Variants in RPGRIP1 observed in about 807,000 individuals in gnomAD.
RPGRIP1 encodes the protein X-linked retinitis pigmentosa GTPase regulator-interacting protein 1.
RPGRIP1 carries 128 observed loss-of-function variants against 157.9 expected under a neutral mutation model. That is an observed-to-expected ratio of 0.81 (90% confidence interval 0.70 to 0.94). The LOEUF (loss-of-function observed/expected upper bound fraction) is 0.94, where lower values mean the gene tolerates loss of function less well. RPGRIP1 is among the 40% of genes least tolerant of loss of function. The pLI is 0.00. For synonymous variants in RPGRIP1, 554 were observed against 571.6 expected, an observed-to-expected ratio of 0.97 and a Z score of 0.44; for missense variants, 1,486 against 1,545.8, an observed-to-expected ratio of 0.96 and a Z score of 0.65.
intron 6 of RPGRIP1, 81 bp downstream of exon 6, chr14:21,303,624 T>C (rs1316611633): frequency 9.5e-7 from 1 of 1,056,174 alleles, no homozygotes; most frequent in African/African-American, 1.6e-5. Flanking sequence ...TTCCTCCATC[T>C]CAGAGGAAAA....
chr14:21,317,958 C>A (rs2139189161), intron 11 of RPGRIP1, 108 bp downstream of exon 11: 1 of 952,946 alleles, frequency 1.0e-6, no homozygotes. Context: ...TGATCCTATT[C>A]TTTTGTGGGT....
intron 3 of RPGRIP1, among the ~76,000 whole-genome samples, chr14:21,296,543 G>A (rs919244025): frequency 6.0e-5 from 9 of 150,938 alleles, no homozygotes; most frequent in Non-Finnish European, 1.0e-4. Flanking sequence ...TAGAGATGGG[G>A]TTTCACCATG....
Position 21,325,240 on chromosome 14 carries a change from G to A in RPGRIP1, c.2224G>A (p.Gly742Arg), listed in dbSNP as rs1214200780. The change falls in exon 16 of 25, where the codon GGA becomes AGA. Residue 742 changes from glycine (G) to arginine (R), a missense_variant. Transcript: ENST00000400017. ...CACTTTCTGCTACCCAGGAGCTGGTGGAGAAGAGTTCGGGGTTCTAGAGTA... is the reference window on the plus strand; with the variant it reads ...CACTTTCTGCTACCCAGGAGCTGGTAGAGAAGAGTTCGGGGTTCTAGAGTA... ...HGLATLIGAG[G>R]EEFGVLEYWM... The A allele has an allele frequency of 6.2e-7, 1 of 1,606,958 alleles. No homozygotes were observed. Among genetic ancestry groups the A allele is most frequent in the Admixed American group, 1.7e-5 (1 of 58,386 alleles).
chr14:21,315,404 G>T (rs1392754670), intron 10 of RPGRIP1, among the ~76,000 whole-genome samples: 2 of 151,782 alleles, frequency 1.3e-5, no homozygotes, highest in African/African-American at 4.8e-5. Context: ...CTACTCGGGA[G>T]GCTGAGGCAG....
Position 21,300,969 on chromosome 14 carries a change from G to A in RPGRIP1, c.222G>A (p.Leu74=). The A allele has an allele frequency of 6.2e-7, 1 of 1,612,826 alleles. No individual in the cohort carries two copies. The highest frequency in any genetic ancestry group is 8.5e-7 in the Non-Finnish European group (1 of 1,179,382). Residue 74 remains leucine (L), a synonymous_variant, in exon 4 of 25, where the codon CTG becomes CTA. Transcript: ENST00000400017. The part of the protein sequence containing the change: ...SWKQQDEIKR[L]RTTLLRLTAA... The stretch of plus-strand genomic sequence containing the variant: ...CACGTGCTCTATTTGTCCACAGGCT[G>A]AGGACCACCTTGCTGCGGTTGACCG...
At position 21,307,824 on chromosome 14, in the gene RPGRIP1, A is replaced by G. The variant is rs1338612947; in HGVS notation, c.894A>G (p.Thr298=). The change falls in exon 7 of 25, where the codon ACA becomes ACG. Residue 298 remains threonine (T), a synonymous_variant. Transcript: ENST00000400017. ...TGGTTATGACAAAAGCACAATTAACAGAAGTTCAAGAGGTGAGTTGCCATC... is the reference window on the plus strand; with the variant it reads ...TGGTTATGACAAAAGCACAATTAACGGAAGTTCAAGAGGTGAGTTGCCATC... ...ASLVMTKAQL[T]EVQEAYETLL... 6.4e-7 allele frequency: 1 copy of G among 1,555,832 alleles called. No individual in the cohort carries two copies. The highest frequency in any genetic ancestry group is 8.7e-7 in the Non-Finnish European group (1 of 1,149,362).
chr14:21,285,286 G>A (rs1880258255), intron 1 of RPGRIP1, among the ~76,000 whole-genome samples: 1 of 151,806 alleles, frequency 6.6e-6, no homozygotes, highest in Non-Finnish European at 1.5e-5. Context: ...AGAGACCAAA[G>A]GATCAGATGG....
intron 3 of RPGRIP1, among the ~76,000 whole-genome samples, chr14:21,298,227 G>A (rs1839079505): frequency 6.6e-6 from 1 of 152,058 alleles, no homozygotes; most frequent in Admixed American, 6.6e-5. Context: ...GGCTGGGCAC[G>A]GTGGCTCATG....
intron 10 of RPGRIP1, among the ~76,000 whole-genome samples, chr14:21,314,148 A>G (rs1020128967): frequency 6.6e-6 from 1 of 151,718 alleles, no homozygotes; most frequent in African/African-American, 2.4e-5. Flanking sequence ...GTGTTTTGCC[A>G]TGTTGCCCAG....
chr14:21,342,906 G>C (rs1885161334), intron 21 of RPGRIP1, 130 bp from the exon 22 acceptor site: 1 of 598,068 alleles, frequency 1.7e-6, no homozygotes, highest in African/African-American at 1.9e-5. Context: ...GATTCTCAGG[G>C]AATAATATAG....
At chr14:21,333,024 TG>T (rs1219737089) in intron 20 of RPGRIP1, among the ~76,000 whole-genome samples, 1 of 152,134 alleles carries the variant, frequency 6.6e-6, no homozygotes, top group Non-Finnish European at 1.5e-5. Flanking sequence ...CGCTTGAACC[TG>T]GGAGGCAGAA....
chr14:21,332,042 G>A (rs977555734), intron 20 of RPGRIP1, among the ~76,000 whole-genome samples: 3 of 149,954 alleles, frequency 2.0e-5, no homozygotes, highest in East Asian at 2.0e-4. Flanking sequence ...AGGTTCAAGC[G>A]ATTCTCCTGC....
intron 1 of RPGRIP1, among the ~76,000 whole-genome samples, chr14:21,286,146 C>T (rs935002817): frequency 4.6e-5 from 7 of 152,118 alleles, no homozygotes; most frequent in South Asian, 2.1e-4. Context: ...CCCGCCACCA[C>T]GCCCGGCTAA....
In RPGRIP1 at chr14:21,321,359, G is replaced by C; in HGVS notation, c.1568G>C (p.Arg523Thr). 6.2e-7 allele frequency: 1 copy of C among 1,613,866 alleles called. No homozygotes were observed. The highest frequency in any genetic ancestry group is 8.5e-7 in the Non-Finnish European group (1 of 1,179,834). The change falls in exon 13 of 25, where the codon AGG (arginine) becomes ACG (threonine). Residue 523 changes from arginine (R) to threonine (T), a missense_variant. Arg to Thr is a moderately conservative substitution (Grantham distance 71, BLOSUM62 -1). Transcript: ENST00000400017. The part of the protein sequence containing the change: ...AETTLELEKT[R>T]DMLILQRKIN... ...ACCACATTGGAACTAGAAAAGACCA[G>C]GGACATGCTTATTCTGCAGCGCAAA... is the stretch of plus-strand genomic sequence containing the variant.
intron 21 of RPGRIP1, among the ~76,000 whole-genome samples, chr14:21,339,818 C>T (rs149402165): frequency 7.7e-4 from 117 of 152,264 alleles, no homozygotes; most frequent in African/African-American, 2.7e-3. Context: ...CTGCCGGGCT[C>T]TGTGGGCACA....
chr14:21,286,384 A>T (rs1365620260), intron 1 of RPGRIP1, among the ~76,000 whole-genome samples: 1 of 151,464 alleles, frequency 6.6e-6, no homozygotes, highest in Non-Finnish European at 1.5e-5. Context: ...CGGTAGTGGC[A>T]TTTATGGACC....
At chr14:21,294,450 G>A (rs1024486076) in intron 2 of RPGRIP1, among the ~76,000 whole-genome samples, 2 of 151,942 alleles carry the variant, frequency 1.3e-5, no homozygotes, top group African/African-American at 2.4e-5. Flanking sequence ...GGCTGGACTC[G>A]AACTCCTGAC....
intron 21 of RPGRIP1, among the ~76,000 whole-genome samples, chr14:21,336,253 G>T (rs1296325690): frequency 6.6e-6 from 1 of 152,162 alleles, no homozygotes; most frequent in Non-Finnish European, 1.5e-5. Flanking sequence ...TTCAATTTCA[G>T]CTGAGGTGTG....
rs1208451312 is a variant in RPGRIP1 at position 21,307,770 on chromosome 14, G to C, written c.840G>C (p.Lys280Asn). 2 of 1,569,620 alleles carry C rather than the reference G, an allele frequency of 1.3e-6. No individual in the cohort carries two copies. The highest frequency in any genetic ancestry group is 1.7e-6 in the Non-Finnish European group (2 of 1,156,878). The part of the protein sequence containing the change: ...IKEKVELIRL[K>N]KLLHERNASL... ...AGAAGGTAGAGCTGATTCGACTTAAGAAGCTCTTACATGAAAGAAATGCTT... is the reference window on the plus strand; with the variant it reads ...AGAAGGTAGAGCTGATTCGACTTAACAAGCTCTTACATGAAAGAAATGCTT... The change falls in exon 7 of 25, where the codon AAG becomes AAC. Residue 280 changes from lysine to asparagine, a missense_variant. Transcript: ENST00000400017.
Sources: allele counts gnomAD v4.1 joint callset (sites outside exome capture counted in the v4.1 genomes callset), GRCh38; gene constraint gnomAD v4.1.1; transcripts MANE v1.5; gene names NCBI Gene and HGNC (gene_info 2026-07-23, HGNC 2026-07-21).